The following AFF1 variants were observed in gnomAD, a reference collection of about 807,000 sequenced individuals.
The protein encoded by AFF1 is ALF transcription elongation factor 1, also known as AF4/FMR2 family member 1.
A neutral mutation model predicts 121.7 loss-of-function variants in AFF1; 48 were observed. The ratio of observed to expected loss-of-function variants is 0.39; its 90% CI spans 0.31 to 0.50. The LOEUF is 0.50. Among genes scored for constraint, AFF1 ranks in the 20% least tolerant of loss-of-function variants. The pLI is 0.76. For missense variants in AFF1, 1,523 were observed against 1,511.7 expected, an observed-to-expected ratio of 1.01 and a Z score of -0.12; for synonymous variants, 613 against 563.0, an observed-to-expected ratio of 1.09 and a Z score of -1.26.
At chr4:86,962,319 TATCCCC>T (rs1230418719) in intron 2 of AFF1, among the ~76,000 whole-genome samples, 1 of 152,130 alleles carries the variant, frequency 6.6e-6, no homozygotes, top group African/African-American at 2.4e-5. Flanking sequence ...GTTTGAATTG[TATCCCC>T]ATGAGACAGG....
chr4:86,983,021 C>A (rs1247360515), intron 2 of AFF1, among the ~76,000 whole-genome samples: 1 of 152,074 alleles, frequency 6.6e-6, no homozygotes, highest in African/African-American at 2.4e-5. Context: ...AAATAAATTT[C>A]TGTTGTTTAT....
At chr4:87,018,162 G>C in intron 2 of AFF1, among the ~76,000 whole-genome samples, 1 of 152,192 alleles carries the variant, frequency 6.6e-6, no homozygotes, top group South Asian at 2.1e-4. Context: ...CATGTTATCT[G>C]TAAATGTATT....
intron 4 of AFF1, among the ~76,000 whole-genome samples, chr4:87,057,086 T>A (rs923627827): frequency 2.0e-5 from 3 of 149,954 alleles, no homozygotes; most frequent in Non-Finnish European, 4.5e-5. Context: ...AAGCTGTACA[T>A]TTTTTTTTTA....
chr4:87,062,867 T>C (rs968382881), intron 4 of AFF1, among the ~76,000 whole-genome samples: 7 of 152,176 alleles, frequency 4.6e-5, no homozygotes, highest in African/African-American at 7.2e-5. Context: ...AAGGAAGATA[T>C]ATTTTAAGGT....
intron 6 of AFF1, among the ~76,000 whole-genome samples, chr4:87,091,220 T>C (rs1724274822): frequency 6.6e-6 from 1 of 151,434 alleles, no homozygotes; most frequent in South Asian, 2.1e-4. Flanking sequence ...CTGGCCAACA[T>C]GGTGAAACAC....
At chr4:87,069,466 C>G (rs1162854013) in intron 4 of AFF1, among the ~76,000 whole-genome samples, 1 of 149,292 alleles carries the variant, frequency 6.7e-6, no homozygotes, top group Non-Finnish European at 1.5e-5. Context: ...CTCCCTCCCT[C>G]TCGTCTCTCT....
chr4:87,105,818 AGCCTC>A lies in AFF1; in HGVS notation c.1350_1354del (p.Lys450AsnfsTer32). 1 of 1,613,932 alleles carries A rather than the reference AGCCTC, an allele frequency of 6.2e-7. No homozygotes were observed. Among genetic ancestry groups the A allele is most frequent in the Non-Finnish European group, 8.5e-7 (1 of 1,179,988 alleles). On this transcript the variant is annotated frameshift_variant, in exon 10 of 21. Transcript: ENST00000395146. LOFTEE classifies it high-confidence loss of function. ...ATTGTGAATGCCTAGACCCCAGAGA[AGCCTC>A]CCTCCTCATCTGCACCTCCAAGGTA...
intron 4 of AFF1, among the ~76,000 whole-genome samples, chr4:87,081,594 T>C (rs1054806891): frequency 1.3e-5 from 2 of 152,236 alleles, no homozygotes; most frequent in African/African-American, 2.4e-5. Context: ...GCTAGATGCA[T>C]GTTGTTTGCC....
In AFF1 at chr4:87,135,805, A is replaced by C; in HGVS notation, c.*104A>C. 1.4e-6 allele frequency: 2 copies of C among 1,411,856 alleles called. No homozygotes were observed. Among genetic ancestry groups the C allele is most frequent in the Non-Finnish European group, 1.9e-6 (2 of 1,070,490 alleles). The allele number at this position is 1,411,856 out of a possible 1,614,324, so 87.5% of individuals were successfully genotyped here. A position where few individuals can be genotyped will look rare whatever the true frequency, so the allele number is the denominator to read the frequency against. ...TCATCAGGACACCAAACTCTAAAAA[A>C]GAAGCACCACGAGATGGCCAGGACA... On this transcript the variant is annotated 3_prime_UTR_variant, in exon 21 of 21. Transcript: ENST00000395146.
chr4:87,135,046 C>T (rs1434246675), intron 20 of AFF1, among the ~76,000 whole-genome samples: 1 of 152,156 alleles, frequency 6.6e-6, no homozygotes, highest in Non-Finnish European at 1.5e-5. Context: ...AGGCCCAGCA[C>T]ATTGGAGATA....
At chr4:87,032,447 A>G (rs1367235091) in intron 2 of AFF1, among the ~76,000 whole-genome samples, 2 of 152,252 alleles carry the variant, frequency 1.3e-5, no homozygotes, top group Non-Finnish European at 2.9e-5. Context: ...AGATCAAGAT[A>G]TAAACAAAAG....
At chr4:86,999,805 G>A (rs573489137) in intron 2 of AFF1, among the ~76,000 whole-genome samples, 5 of 151,446 alleles carry the variant, frequency 3.3e-5, no homozygotes, top group East Asian at 1.9e-4. Context: ...AAAGGAAGCC[G>A]ACTTCTCTTG....
At chr4:86,961,673 AATT>A (rs1177247819) in intron 2 of AFF1, among the ~76,000 whole-genome samples, 24 of 151,666 alleles carry the variant, frequency 1.6e-4, no homozygotes, top group Admixed American at 9.9e-4. Context: ...AAAAAAAAAA[AATT>A]AAGGAATGGA....
At chr4:87,057,181 G>A (rs1249035045) in intron 4 of AFF1, among the ~76,000 whole-genome samples, 1 of 152,144 alleles carries the variant, frequency 6.6e-6, no homozygotes, top group African/African-American at 2.4e-5. Context: ...ATAGAAGCAA[G>A]ACACGGAGGG....
At chr4:87,110,998 ATTT>A (rs1263757983) in intron 11 of AFF1, among the ~76,000 whole-genome samples, 1 of 81,046 alleles carries the variant, frequency 1.2e-5, no homozygotes, top group African/African-American at 5.6e-5. Flanking sequence ...CTTAAACTTT[ATTT>A]TTTTTTTTTT....
At chr4:87,084,597 TAAATAAAA>T (rs1389121452) in intron 5 of AFF1, among the ~76,000 whole-genome samples, 12 of 100,838 alleles carry the variant, frequency 1.2e-4, no homozygotes, top group Non-Finnish European at 1.8e-4. Context: ...AATAAATAAA[TAAATAAAA>T]AATAAAGAAC....
intron 4 of AFF1, among the ~76,000 whole-genome samples, chr4:87,063,467 A>AG (rs1476800232): frequency 2.6e-5 from 4 of 151,950 alleles, no homozygotes; most frequent in African/African-American, 9.6e-5. Flanking sequence ...TCGAACTCCC[A>AG]GCCTCAGGTG....
At position 87,105,844 on chromosome 4, in the gene AFF1, A is replaced by G. The variant is rs1208580989; in HGVS notation, c.1375A>G (p.Ser459Gly). 3.1e-6 allele frequency: 5 copies of G among 1,614,062 alleles called. No individual in the cohort carries two copies. The Admixed American group carries it at 5.0e-5, about 16-fold the overall frequency. Residue 459 changes from serine (S) to glycine (G), a missense_variant and splice_region_variant, in exon 10 of 21, where the codon AGT (serine) becomes GGT (glycine). Physicochemically the swap from Ser to Gly is moderately conservative, Grantham distance 56. Coordinates refer to ENST00000395146, the MANE Select transcript of AFF1 (RefSeq NM_001166693.3). ...GCCTCCCTCCTCATCTGCACCTCCAAGGTACCGTGTGGGTTTCTCCCCATC... is the reference window on the plus strand; with the variant it reads ...GCCTCCCTCCTCATCTGCACCTCCAGGGTACCGTGTGGGTTTCTCCCCATC... Reference protein sequence around the residue: ...EKPPSSSAPPSAPQSLPEPVA... With the variant: ...EKPPSSSAPPGAPQSLPEPVA...
intron 2 of AFF1, among the ~76,000 whole-genome samples, chr4:86,964,691 C>G (rs894752823): frequency 6.6e-6 from 1 of 152,204 alleles, no homozygotes. Flanking sequence ...GCCTCAGCCT[C>G]CCAAAGTGCT....
Sources: gnomAD v4.1 joint callset for allele counts (sites outside exome capture counted in the v4.1 genomes callset) on GRCh38, gnomAD v4.1.1 for gene constraint, MANE v1.5 for transcripts, NCBI Gene and HGNC (gene_info 2026-07-23, HGNC 2026-07-21) for gene names.